The following PARD3 variants were observed in gnomAD, a reference collection of about 807,000 sequenced individuals.
PARD3 encodes the protein par-3 family cell polarity regulator, also known as partitioning defective 3 homolog.
PARD3 carries 75 observed loss-of-function variants against 155.4 expected under a neutral mutation model. The observed-to-expected ratio is 0.48, with a 90% CI of 0.40 to 0.58. The LOEUF (loss-of-function observed/expected upper bound fraction) is 0.58, where lower values mean the gene tolerates loss of function less well. PARD3 is among the 20% of genes least tolerant of loss of function. The probability of loss-of-function intolerance (pLI) is 0.00; values close to 1 mark genes in which losing one functional copy is unlikely to be tolerated. For missense variants in PARD3, 1,642 were observed against 1,721.7 expected (o/e 0.95, Z 0.82); for synonymous variants, 576 against 610.5 (o/e 0.94, Z 0.83).
At chr10:34,609,668 T>C (rs143035437) in intron 2 of PARD3, among the ~76,000 whole-genome samples, 1 of 152,242 alleles carries the variant, frequency 6.6e-6, no homozygotes, top group Non-Finnish European at 1.5e-5. Flanking sequence ...TCAGCCTCCA[T>C]AGTAGCTAGG....
At chr10:34,606,106 A>C (rs1043744798) in intron 2 of PARD3, among the ~76,000 whole-genome samples, 9 of 148,542 alleles carry the variant, frequency 6.1e-5, no homozygotes, top group Non-Finnish European at 8.9e-5. Flanking sequence ...AGTTCTTTAT[A>C]TATATACAGA....
rs113362484 is a variant in PARD3, at chr10:34,709,678, G to T, written c.121-13259C>A. ...AAGTGGGAGCCATGGAGGACTCAGG[G>T]GCAGGAGCTGGAATTTGGGGAGAGA... On this transcript the variant is annotated intron_variant, in intron 1 of 24. Coordinates refer to ENST00000374788, the MANE Select transcript of PARD3 (RefSeq NM_001184785.2). Among the ~76,000 whole-genome samples, 1,041 of 152,174 alleles carry T rather than the reference G, an allele frequency of 6.8e-3. 7 individuals are homozygous for T. The highest frequency in any genetic ancestry group is 0.011 in the Non-Finnish European group (762 of 68,006).
chr10:34,586,663 A>G (rs897085950), intron 2 of PARD3, among the ~76,000 whole-genome samples: 2 of 152,184 alleles, frequency 1.3e-5, no homozygotes, highest in Non-Finnish European at 2.9e-5. Flanking sequence ...TAAGGCACTC[A>G]TGGCCAGGCG....
chr10:34,310,936 GAGA>G (rs1489563423), intron 20 of PARD3, among the ~76,000 whole-genome samples: 5 of 152,186 alleles, frequency 3.3e-5, no homozygotes, highest in Non-Finnish European at 5.9e-5. Context: ...GTTTCATTTG[GAGA>G]AGCATTGTTT....
chr10:34,596,210 C>T (rs1018574823), intron 2 of PARD3, among the ~76,000 whole-genome samples: 3 of 150,972 alleles, frequency 2.0e-5, no homozygotes, highest in Non-Finnish European at 2.9e-5. Context: ...AGTTTGTAAG[C>T]AATATCCATC....
At chr10:34,456,247 A>G (rs1265410574) in intron 4 of PARD3, among the ~76,000 whole-genome samples, 1 of 152,192 alleles carries the variant, frequency 6.6e-6, no homozygotes, top group Non-Finnish European at 1.5e-5. Flanking sequence ...GACGTATTGC[A>G]GCACCTCTTT....
chr10:34,759,971 C>G (rs570078395), intron 1 of PARD3, among the ~76,000 whole-genome samples: 1 of 152,150 alleles, frequency 6.6e-6, no homozygotes, highest in Admixed American at 6.5e-5. Context: ...TTCCTTTATT[C>G]GTATTTGCAC....
chr10:34,266,868 G>C (rs1190272914), intron 22 of PARD3, among the ~76,000 whole-genome samples: 1 of 152,118 alleles, frequency 6.6e-6, no homozygotes, highest in African/African-American at 2.4e-5. Flanking sequence ...AAAATTTGCA[G>C]ACATTTACAT....
At chr10:34,228,824 T>G (rs1054780952) in intron 22 of PARD3, among the ~76,000 whole-genome samples, 6 of 152,086 alleles carry the variant, frequency 3.9e-5, no homozygotes, top group African/African-American at 1.5e-4. Context: ...CATGTGAAAC[T>G]CTCTTCATCT....
At chr10:34,538,778 G>A (rs914913484) in intron 2 of PARD3, among the ~76,000 whole-genome samples, 6 of 152,188 alleles carry the variant, frequency 3.9e-5, no homozygotes, top group Admixed American at 2.0e-4. Flanking sequence ...GGGGTGAGGC[G>A]CCGCTCCGGC....
At chr10:34,572,506 G>A (rs2086501276) in intron 2 of PARD3, among the ~76,000 whole-genome samples, 1 of 149,794 alleles carries the variant, frequency 6.7e-6, no homozygotes, top group South Asian at 2.1e-4. Context: ...CAGGTGTGGT[G>A]GGTGCGCCTG....
Position 34,479,095 on chromosome 10 carries a change from T to G in PARD3, c.404-8832A>C, listed in dbSNP as rs372956525. Among the ~76,000 whole-genome samples, 10 of 152,284 alleles carry G rather than the reference T, an allele frequency of 6.6e-5. No homozygotes were observed. The South Asian group carries it at 1.9e-3, about 28-fold the overall frequency. On this transcript the variant is annotated intron_variant, in intron 3 of 24. Coordinates refer to ENST00000374788, the MANE Select transcript of PARD3 (RefSeq NM_001184785.2). ...AGGAACTTTTCTCAAAATCTTATCA[T>G]TGAAATGAATCTCTCTGTATCATTT... is the stretch of plus-strand genomic sequence containing the variant.
At chr10:34,621,092 T>C (rs553395682) in intron 2 of PARD3, among the ~76,000 whole-genome samples, 23 of 152,236 alleles carry the variant, frequency 1.5e-4, no homozygotes, top group Non-Finnish European at 2.5e-4. Flanking sequence ...TGGCAGGAGA[T>C]GCCAGCTCTA....
intron 2 of PARD3, among the ~76,000 whole-genome samples, chr10:34,669,777 T>C (rs1244465000): frequency 6.6e-6 from 1 of 152,172 alleles, no homozygotes; most frequent in Non-Finnish European, 1.5e-5. Flanking sequence ...AAAATGTGAT[T>C]TAAAAAAAAA....
At chr10:34,484,964 A>T (rs1349863800) in intron 3 of PARD3, among the ~76,000 whole-genome samples, 1 of 151,874 alleles carries the variant, frequency 6.6e-6, no homozygotes, top group Non-Finnish European at 1.5e-5. Context: ...TTGGCAACCC[A>T]CTCCTAGACA....
intron 2 of PARD3, among the ~76,000 whole-genome samples, chr10:34,561,053 G>A (rs1465409318): frequency 6.6e-6 from 1 of 152,194 alleles, no homozygotes; most frequent in African/African-American, 2.4e-5. Flanking sequence ...TCAGCGTCAA[G>A]TGTGCAGTTG....
intron 20 of PARD3, among the ~76,000 whole-genome samples, chr10:34,312,582 C>T (rs1454631374): frequency 1.3e-5 from 2 of 152,146 alleles, no homozygotes; most frequent in Non-Finnish European, 2.9e-5. Flanking sequence ...CTGATTTCAG[C>T]CAAACAAGGT....
At chr10:34,277,183 C>T (rs999507551) in intron 21 of PARD3, among the ~76,000 whole-genome samples, 1 of 152,196 alleles carries the variant, frequency 6.6e-6, no homozygotes, top group Non-Finnish European at 1.5e-5. Context: ...CAAATAAAAC[C>T]CAAATTCATG....
At chr10:34,790,196 CT>C (rs1841469688) in intron 1 of PARD3, among the ~76,000 whole-genome samples, 1 of 152,148 alleles carries the variant, frequency 6.6e-6, no homozygotes, top group Non-Finnish European at 1.5e-5. Flanking sequence ...TTGTGGTGTT[CT>C]CAAAGGACAA....
Sources: allele counts gnomAD v4.1 joint callset (sites outside exome capture counted in the v4.1 genomes callset), GRCh38; gene constraint gnomAD v4.1.1; transcripts MANE v1.5; gene names NCBI Gene and HGNC (gene_info 2026-07-23, HGNC 2026-07-21).